LIMK1: variants seen among roughly 807,000 people sequenced by gnomAD.
LIMK1 encodes LIM domain kinase 1.
LIMK1 carries 21 observed loss-of-function variants against 77.6 expected under a neutral mutation model. That is an observed-to-expected ratio of 0.27 (90% CI 0.19 to 0.39). The LOEUF (loss-of-function observed/expected upper bound fraction) is 0.39. Ranked by LOEUF, LIMK1 falls within the 10% of genes least tolerant of loss-of-function variation. The pLI, the probability that LIMK1 is intolerant of heterozygous loss-of-function variation, is 1.00. For synonymous variants in LIMK1, 358 were observed against 370.0 expected, an observed-to-expected ratio of 0.97 and a Z score of 0.37; for missense variants, 696 against 901.6, an observed-to-expected ratio of 0.77 and a Z score of 2.92.
intron 12 of LIMK1, among the ~76,000 whole-genome samples, chr7:74,113,172 G>A (rs577887394): frequency 1.3e-5 from 2 of 151,780 alleles, no homozygotes; most frequent in South Asian, 2.1e-4. Flanking sequence ...AATACAAAAC[G>A]GAATAGCCAG....
chr7:74,101,043 A>C (rs1289156337), intron 5 of LIMK1, among the ~76,000 whole-genome samples: 2 of 119,280 alleles, frequency 1.7e-5, no homozygotes, highest in Middle Eastern at 3.8e-3. Context: ...GGCCCTACCA[A>C]GTGCTAGCTT....
At chr7:74,087,902 T>C (rs1799162341) in intron 2 of LIMK1, among the ~76,000 whole-genome samples, 1 of 152,054 alleles carries the variant, frequency 6.6e-6, no homozygotes, top group Non-Finnish European at 1.5e-5. Flanking sequence ...GGTTTGTTTT[T>C]TTGTTTCTTC....
At chr7:74,118,771 T>A (rs1799872682) in intron 13 of LIMK1, among the ~76,000 whole-genome samples, 1 of 152,076 alleles carries the variant, frequency 6.6e-6, no homozygotes, top group Non-Finnish European at 1.5e-5. Context: ...AAAGTCTTAG[T>A]GTTTCCTATG....
intron 13 of LIMK1, among the ~76,000 whole-genome samples, chr7:74,117,838 TG>T (rs1554699831): frequency 1.3e-5 from 2 of 151,980 alleles, no homozygotes; most frequent in African/African-American, 4.8e-5. Context: ...CCAGGCACAG[TG>T]GCTCACACCT....
At chr7:74,094,859 C>T (rs1370219774) in intron 2 of LIMK1, among the ~76,000 whole-genome samples, 1 of 152,076 alleles carries the variant, frequency 6.6e-6, no homozygotes, top group Non-Finnish European at 1.5e-5. Flanking sequence ...CCAGCCTCCG[C>T]ATTCCCCACC....
At position 74,121,531 on chromosome 7, in the gene LIMK1, C is replaced by T. The variant is rs1054132064; in HGVS notation, c.*230C>T. ...ACACCATGCTCTCGCCCTGCTGTAA[C>T]CTCTGTCTTGGCAGGGCTGTCCCCT... On this transcript the variant is annotated 3_prime_UTR_variant, in exon 16 of 16. Coordinates refer to ENST00000336180, the MANE Select transcript of LIMK1 (RefSeq NM_002314.4). 3.0e-5 allele frequency: 16 copies of T among 525,854 alleles called. No individual in the cohort carries two copies. The Admixed American group carries it at 3.5e-4, about 11-fold the overall frequency. The allele number at this position is 525,854 out of a possible 1,614,324, so 32.6% of individuals were successfully genotyped here.
At chr7:74,114,311 A>G (rs150872) in intron 12 of LIMK1, among the ~76,000 whole-genome samples, 128,075 of 151,894 alleles carry the variant, frequency 0.84, 54,888 homozygotes, top group Middle Eastern at 0.94. Context: ...GGAGTCCAAG[A>G]TGGGCAGATT....
intron 2 of LIMK1, among the ~76,000 whole-genome samples, chr7:74,090,343 C>T (rs1554694602): frequency 6.6e-6 from 1 of 150,818 alleles, no homozygotes; most frequent in East Asian, 2.0e-4. Context: ...CCACTGCACT[C>T]TAGCCTGGGT....
chr7:74,100,401 C>T (rs903966806), intron 5 of LIMK1, among the ~76,000 whole-genome samples: 31 of 152,126 alleles, frequency 2.0e-4, no homozygotes, highest in Admixed American at 1.2e-3. Context: ...AAGTAGCATG[C>T]AGTGTTTCTA....
Position 74,121,457 on chromosome 7 carries a change from C to T in LIMK1, c.*156C>T, listed in dbSNP as rs949974292. The T allele has an allele frequency of 1.2e-4, 86 of 719,200 alleles. No individual in the cohort carries two copies. Among genetic ancestry groups the T allele is most frequent in the Non-Finnish European group, 1.8e-4 (83 of 450,686 alleles). 44.6% of individuals were successfully genotyped at this position (719,200 alleles called of 1,614,324 possible). A position where few individuals can be genotyped will look rare whatever the true frequency, so the allele number is the denominator to read the frequency against. On this transcript the variant is annotated 3_prime_UTR_variant, in exon 16 of 16. Coordinates refer to ENST00000336180, the MANE Select transcript of LIMK1 (RefSeq NM_002314.4). ...CCTTCTCCCACCCCGTGGACCGCTT[C>T]CCCTGCCTTCTCTCTGCCGTGGCCC... is the stretch of plus-strand genomic sequence containing the variant.
At chr7:74,106,937 G>C (rs1554697637) in intron 7 of LIMK1, 73 bp from the exon 8 acceptor site, 1 of 1,387,772 alleles carries the variant, frequency 7.2e-7, no homozygotes, top group African/African-American at 1.4e-5. Context: ...GCAGGCAGGA[G>C]GAGGAAGGGG....
At chr7:74,114,154 G>T (rs1799758502) in intron 12 of LIMK1, among the ~76,000 whole-genome samples, 11 of 152,020 alleles carry the variant, frequency 7.2e-5, no homozygotes, top group Admixed American at 7.2e-4. Context: ...TGAGACTGAG[G>T]CAGAATTGCT....
chr7:74,120,695 C>G (rs1799916501), intron 14 of LIMK1, 57 bp downstream of exon 14: 10 of 1,591,606 alleles, frequency 6.3e-6, no homozygotes, highest in South Asian at 1.1e-5. Flanking sequence ...CCCACTCACC[C>G]AGGCTGCAGG....
chr7:74,120,701 GCA>G (rs1166373725), intron 14 of LIMK1, 63 bp downstream of exon 14: 22 of 1,583,280 alleles, frequency 1.4e-5, no homozygotes, highest in Non-Finnish European at 1.7e-5. Flanking sequence ...CACCCAGGCT[GCA>G]GGCTCAGCAT....
chr7:74,088,336 G>T (rs1209577062), intron 2 of LIMK1, among the ~76,000 whole-genome samples: 2 of 152,154 alleles, frequency 1.3e-5, no homozygotes, highest in African/African-American at 4.8e-5. Flanking sequence ...CCTTCGGGGG[G>T]CAAGAGGGCT....
intron 12 of LIMK1, among the ~76,000 whole-genome samples, chr7:74,114,946 A>G (rs1799777240): frequency 6.6e-6 from 1 of 151,470 alleles, no homozygotes; most frequent in East Asian, 1.9e-4. Flanking sequence ...AAATTGGGCC[A>G]GGTATGGTGG....
At position 74,099,174 on chromosome 7, in the gene LIMK1, A is replaced by C. The variant is rs868909835; in HGVS notation, c.544A>C (p.Ile182Leu). 1.2e-5 allele frequency: 19 copies of C among 1,612,736 alleles called. 1 individual carries two copies. The Middle Eastern group carries it at 1.5e-3, about 126-fold the overall frequency. Residue 182 changes from isoleucine to leucine, a missense_variant, in exon 5 of 16, where the codon ATT becomes CTT. By Grantham distance (5) the Ile-to-Leu change is conservative. Coordinates refer to ENST00000336180, the MANE Select transcript of LIMK1 (RefSeq NM_002314.4). ...TGGCAAGCGTGGACTTTCAGTCTCC[A>C]TTGACCCCCCGCACGGCCCACCGGG... ...SHGKRGLSVS[I>L]DPPHGPPGCG... is the part of the protein sequence containing the mutation.
intron 12 of LIMK1, among the ~76,000 whole-genome samples, chr7:74,114,990 G>T (rs1799778061): frequency 6.6e-6 from 1 of 151,776 alleles, no homozygotes; most frequent in South Asian, 2.1e-4. Flanking sequence ...TTGAAAGGCT[G>T]AGGCAGGTGG....
At chr7:74,101,637 A>G (rs986295559) in intron 5 of LIMK1, among the ~76,000 whole-genome samples, 1 of 152,170 alleles carries the variant, frequency 6.6e-6, no homozygotes, top group Non-Finnish European at 1.5e-5. Flanking sequence ...AAAGAGCCCA[A>G]CTTGCCAAAG....
Sources: allele counts gnomAD v4.1 joint callset (sites outside exome capture counted in the v4.1 genomes callset), GRCh38; gene constraint gnomAD v4.1.1; transcripts MANE v1.5; gene names NCBI Gene and HGNC (gene_info 2026-07-23, HGNC 2026-07-21).